Variants in FUBP1 observed in about 807,000 individuals in gnomAD.
FUBP1 encodes far upstream element binding protein 1, also known as far upstream element-binding protein 1.
Under a neutral mutation model 94.9 loss-of-function variants are expected in FUBP1, and 16 were observed. The observed-to-expected ratio is 0.17, with a 90% CI of 0.11 to 0.26. The LOEUF (loss-of-function observed/expected upper bound fraction) is 0.26. Ranked by LOEUF, FUBP1 falls within the 10% of genes least tolerant of loss-of-function variation. The pLI is 1.00. For missense variants in FUBP1, 583 were observed against 808.6 expected (o/e 0.72, Z 3.38); for synonymous variants, 279 against 254.9 (o/e 1.09, Z -0.90).
chr1:77,963,962 A>G (rs1369505018), intron 12 of FUBP1, 100 bp downstream of exon 12: 1 of 791,710 alleles, frequency 1.3e-6, no homozygotes, highest in African/African-American at 1.7e-5. Context: ...TTAATAAAGC[A>G]TCATCAAGCA....
At chr1:77,979,179 T>A, upstream of FUBP1, 1 of 642,860 alleles carries the variant, frequency 1.6e-6, no homozygotes, top group Non-Finnish European at 2.7e-6. Flanking sequence ...GGCAACGCGC[T>A]GGTGTGGGTT....
intron 7 of FUBP1, among the ~76,000 whole-genome samples, chr1:77,966,329 G>A (rs980247849): frequency 6.6e-6 from 1 of 152,202 alleles, no homozygotes; most frequent in Non-Finnish European, 1.5e-5. Context: ...TGGGAGAGGA[G>A]TGGAAAAGTG....
At chr1:77,963,269 G>A (rs1381421514) in intron 13 of FUBP1, among the ~76,000 whole-genome samples, 1 of 151,936 alleles carries the variant, frequency 6.6e-6, no homozygotes, top group Admixed American at 6.6e-5. Context: ...AATATGAGTC[G>A]GGAAAAACCA....
At position 77,965,111 on chromosome 1, in the gene FUBP1, T is replaced by C. The variant is rs1167501157; in HGVS notation, c.594A>G (p.Gly198=). ...TTTCTCCCCCTTTTCCAATGACTAA[T>C]CCTGCCTTGCTAGCTGGAATCATGA... ...QEIMIPASKA[G]LVIGKGGETI... The change falls in exon 8 of 20, where the codon GGA becomes GGG. Residue 198 remains glycine (G), a synonymous_variant. Coordinates refer to ENST00000370768, the MANE Select transcript of FUBP1 (RefSeq NM_003902.5). 1.2e-6 allele frequency: 2 copies of C among 1,612,788 alleles called. No individual in the cohort carries two copies. The highest frequency in any genetic ancestry group is 1.7e-6 in the Non-Finnish European group (2 of 1,178,932).
Position 77,964,863 on chromosome 1 carries a change from A to C in FUBP1, c.735+7T>G. On this transcript the variant is annotated splice_region_variant and intron_variant, in intron 9 of 19. Transcript: ENST00000370768. Reference sequence around the variant, plus strand: ...TCTTTCTTTATAAAGTATAAAGTTAAGTTTACTTGAACTTTATATGGGTCT... The same window carrying C: ...TCTTTCTTTATAAAGTATAAAGTTACGTTTACTTGAACTTTATATGGGTCT... 1.9e-6 allele frequency: 3 copies of C among 1,576,178 alleles called. No individual in the cohort carries two copies. The highest frequency in any genetic ancestry group is 2.2e-5 in the South Asian group (2 of 90,240).
intron 1 of FUBP1, among the ~76,000 whole-genome samples, chr1:77,972,112 AT>A (rs1457505408): frequency 6.6e-6 from 1 of 152,004 alleles, no homozygotes; most frequent in Non-Finnish European, 1.5e-5. Context: ...TGGGTGTCTA[AT>A]TTAAATCTTA....
At chr1:77,963,018 A>G in intron 13 of FUBP1, 88 bp from the exon 14 acceptor site, 1 of 781,126 alleles carries the variant, frequency 1.3e-6, no homozygotes, top group Non-Finnish European at 2.1e-6. Flanking sequence ...TAAATGGGCC[A>G]TTAAAAATAT....
chr1:77,964,384 A>G, intron 10 of FUBP1, 28 bp from the exon 11 acceptor site: 5 of 1,350,394 alleles, frequency 3.7e-6, no homozygotes, highest in Non-Finnish European at 5.2e-6. Context: ...AAGTATTAAG[A>G]AAGCTAGCTT....
chr1:77,977,184 G>C (rs1251680722), intron 1 of FUBP1, among the ~76,000 whole-genome samples: 1 of 152,068 alleles, frequency 6.6e-6, no homozygotes, highest in Non-Finnish European at 1.5e-5. Context: ...TTCTTAGTAG[G>C]AAACAATTCA....
chr1:77,956,609 A>C lies in FUBP1; in HGVS notation c.1668T>G (p.Pro556=), dbSNP rs1379983401. The C allele has an allele frequency of 6.2e-7, 1 of 1,612,898 alleles. No individual in the cohort carries two copies. The change falls in exon 17 of 20, where the codon CCT becomes CCG. Residue 556 remains proline, a synonymous_variant. Transcript: ENST00000370768. ...TTTGAGTTGTAGTTGGTGCACCTGC[A>C]GGGGCTGCTGGTGGTGGCTGTGCTT... ...QQQAQPPPAA[P]AGAPTTTQTN... is the part of the protein sequence containing the mutation.
intron 7 of FUBP1, among the ~76,000 whole-genome samples, chr1:77,965,923 C>G (rs1348989240): frequency 2.0e-5 from 3 of 152,202 alleles, no homozygotes; most frequent in Non-Finnish European, 4.4e-5. Flanking sequence ...GTGGCATGCA[C>G]CGGTAGTCCC....
rs763351311 is a variant in FUBP1, at chr1:77,969,906, T to C, written c.211+19A>G. ...AAACACTCTGAAAAACAATTTAAAA[T>C]ACTTAGAGTATAACTTACCTCCATC... On this transcript the variant is annotated intron_variant, in intron 2 of 19. Coordinates refer to ENST00000370768, the MANE Select transcript of FUBP1 (RefSeq NM_003902.5). 42 of 1,088,516 alleles carry C rather than the reference T, an allele frequency of 3.9e-5. No homozygotes were observed. Among genetic ancestry groups the C allele is most frequent in the Middle Eastern group, 2.1e-4 (1 of 4,848 alleles). The allele number at this position is 1,088,516 out of a possible 1,614,324, so 67.4% of individuals were successfully genotyped here.
rs1654516107 is a variant in FUBP1, at chr1:77,956,663, A to G, written c.1614T>C (p.Ala538=). 3.1e-6 allele frequency: 5 copies of G among 1,612,418 alleles called. No individual in the cohort carries two copies. Among genetic ancestry groups the G allele is most frequent in the Non-Finnish European group, 4.2e-6 (5 of 1,178,548 alleles). The change falls in exon 17 of 20, where the codon GCT becomes GCC. Residue 538 remains alanine, a synonymous_variant. Transcript: ENST00000370768. The part of the protein sequence containing the change: ...AGTDPNSAAW[A]AYYAHYYQQQ... Reference sequence around the variant, plus strand: ...GTTGATAATAGTGAGCGTAATAAGCAGCCCAAGCTGCTGAATTTGGATCCG... The same window carrying G: ...GTTGATAATAGTGAGCGTAATAAGCGGCCCAAGCTGCTGAATTTGGATCCG...
At chr1:77,952,655 C>T (rs1653698024) in intron 18 of FUBP1, among the ~76,000 whole-genome samples, 1 of 152,156 alleles carries the variant, frequency 6.6e-6, no homozygotes, top group African/African-American at 2.4e-5. Context: ...AAGTTTTATG[C>T]TTTAAGGTTT....
intron 1 of FUBP1, among the ~76,000 whole-genome samples, chr1:77,973,752 T>G (rs56341422): frequency 0.016 from 2,457 of 152,320 alleles, 32 homozygotes; most frequent in Non-Finnish European, 0.027. Flanking sequence ...CTTCAGTTTT[T>G]GCTCTTCACG....
chr1:77,954,043 C>T (rs1474058830), intron 18 of FUBP1, among the ~76,000 whole-genome samples: 1 of 152,132 alleles, frequency 6.6e-6, no homozygotes, highest in Non-Finnish European at 1.5e-5. Flanking sequence ...CAAGGCTGGC[C>T]TCAATCTCCT....
rs1417087170 is a variant in FUBP1 at position 77,948,144 on chromosome 1, G to A, written c.*622C>T. The A allele has an allele frequency of 2.9e-6, 3 of 1,039,206 alleles. No individual in the cohort carries two copies. The African/African-American group carries it at 5.0e-5, about 17-fold the overall frequency. 64.4% of individuals were successfully genotyped at this position (1,039,206 alleles called of 1,614,324 possible). ...AATGGAAGTATGCCAAAAGATCATT[G>A]TACACACATGCAGTTTTTAATCAAA... On this transcript the variant is annotated 3_prime_UTR_variant, in exon 20 of 20. Transcript: ENST00000370768.
At chr1:77,949,652 T>A (rs2102238724) in intron 18 of FUBP1, among the ~76,000 whole-genome samples, 1 of 152,302 alleles carries the variant, frequency 6.6e-6, no homozygotes, top group Non-Finnish European at 1.5e-5. Context: ...GCGTCATTAT[T>A]AGTAAAAAAA....
At chr1:77,949,619 A>G (rs1333227376) in intron 18 of FUBP1, among the ~76,000 whole-genome samples, 1 of 152,194 alleles carries the variant, frequency 6.6e-6, no homozygotes, top group African/African-American at 2.4e-5. Flanking sequence ...CCTTATAATT[A>G]ATCGTTAACT....
Sources: allele counts gnomAD v4.1 joint callset (sites outside exome capture counted in the v4.1 genomes callset), GRCh38; gene constraint gnomAD v4.1.1; transcripts MANE v1.5; gene names NCBI Gene and HGNC (gene_info 2026-07-23, HGNC 2026-07-21).